DAB1: variants seen among roughly 807,000 people sequenced by gnomAD.
DAB1 encodes DAB adaptor protein 1.
Under a neutral mutation model 64.6 loss-of-function variants are expected in DAB1, and 15 were observed. The observed-to-expected ratio is 0.23, with a 90% CI of 0.16 to 0.36. DAB1 has a LOEUF of 0.36. Ranked by LOEUF, DAB1 falls within the 10% of genes least tolerant of loss-of-function variation. The probability of loss-of-function intolerance (pLI) is 1.00; values close to 1 mark genes in which losing one functional copy is unlikely to be tolerated. For missense variants in DAB1, 596 were observed against 706.7 expected, an observed-to-expected ratio of 0.84 and a Z score of 1.78; for synonymous variants, 235 against 251.9, an observed-to-expected ratio of 0.93 and a Z score of 0.64.
intron 5 of DAB1, among the ~76,000 whole-genome samples, chr1:57,941,119 AC>A (rs1177183837): frequency 6.6e-6 from 1 of 152,154 alleles, no homozygotes; most frequent in Non-Finnish European, 1.5e-5. Flanking sequence ...TAGGACAGTG[AC>A]CCCTCAACAT....
intron 4 of DAB1, among the ~76,000 whole-genome samples, chr1:58,175,528 A>T (rs952150759): frequency 6.6e-6 from 1 of 152,182 alleles, no homozygotes; most frequent in African/African-American, 2.4e-5. Context: ...TCTGTTCAGT[A>T]TTTCATTCAG....
chr1:58,438,518 T>C (rs1459945867), intron 3 of DAB1, among the ~76,000 whole-genome samples: 1 of 152,194 alleles, frequency 6.6e-6, no homozygotes, highest in Admixed American at 6.5e-5. Flanking sequence ...AAGGCCAGCA[T>C]GCTGGGCACT....
At chr1:58,503,094 C>T (rs1352790118) in intron 3 of DAB1, among the ~76,000 whole-genome samples, 1 of 152,122 alleles carries the variant, frequency 6.6e-6, no homozygotes, top group African/African-American at 2.4e-5. Flanking sequence ...GAAATGACAA[C>T]TCAGAATTTA....
At chr1:57,997,576 T>G (rs1646444551) in intron 5 of DAB1, among the ~76,000 whole-genome samples, 1 of 152,122 alleles carries the variant, frequency 6.6e-6, no homozygotes, top group Non-Finnish European at 1.5e-5. Flanking sequence ...TCCTACAGAT[T>G]TGCCACCACT....
chr1:57,764,368 T>C (rs907491246), intron 6 of DAB1, among the ~76,000 whole-genome samples: 2 of 152,202 alleles, frequency 1.3e-5, no homozygotes, highest in African/African-American at 4.8e-5. Context: ...ACATATAACA[T>C]GTAGTGATCA....
At chr1:58,087,159 T>A (rs897628781) in intron 5 of DAB1, among the ~76,000 whole-genome samples, 4 of 152,108 alleles carry the variant, frequency 2.6e-5, no homozygotes, top group Admixed American at 2.6e-4. Context: ...ATGTCTGGAG[T>A]GAGAACTAAA....
intron 1 of DAB1, among the ~76,000 whole-genome samples, chr1:57,351,376 C>G (rs568027700): frequency 6.6e-6 from 1 of 152,146 alleles, no homozygotes; most frequent in Non-Finnish European, 1.5e-5. Context: ...AAAGGCATGT[C>G]TTCGACCTTC....
intron 5 of DAB1, among the ~76,000 whole-genome samples, chr1:57,924,626 A>C (rs1376717937): frequency 2.3e-5 from 3 of 131,806 alleles, no homozygotes; most frequent in African/African-American, 8.5e-5. Context: ...CACTTGGCTA[A>C]TTTTTTTTTT....
chr1:58,358,929 TTC>T (rs113642363), intron 3 of DAB1, among the ~76,000 whole-genome samples: 32,582 of 106,220 alleles, frequency 0.31, 4,848 homozygotes, highest in Admixed American at 0.4. Context: ...CTTCCTTTCT[TTC>T]TCTCTCTCTC....
At chr1:58,470,939 G>A (rs1482155488) in intron 3 of DAB1, among the ~76,000 whole-genome samples, 1 of 152,150 alleles carries the variant, frequency 6.6e-6, no homozygotes, top group Non-Finnish European at 1.5e-5. Context: ...AGCAGCAAAA[G>A]CTTATTAGGC....
intron 3 of DAB1, among the ~76,000 whole-genome samples, chr1:58,448,985 G>GA (rs992519400): frequency 1.6e-4 from 24 of 152,280 alleles, no homozygotes; most frequent in African/African-American, 5.8e-4. Flanking sequence ...CATTGAGGTA[G>GA]AAAAAATGGA....
intron 1 of DAB1, among the ~76,000 whole-genome samples, chr1:57,843,458 G>T (rs1344865429): frequency 5.3e-5 from 8 of 151,984 alleles, no homozygotes; most frequent in Non-Finnish European, 1.0e-4. Flanking sequence ...CACCTCAAGG[G>T]GTTACCATGA....
intron 1 of DAB1, chr1:57,864,965 AC>A (rs1343338489): frequency 6.6e-6 from 1 of 152,164 alleles, no homozygotes; most frequent in Non-Finnish European, 1.5e-5. Context: ...AGCTACTGTA[AC>A]AAATAAACCT....
intron 3 of DAB1, among the ~76,000 whole-genome samples, chr1:57,141,634 G>T (rs1658597013): frequency 6.6e-6 from 1 of 152,078 alleles, no homozygotes; most frequent in Non-Finnish European, 1.5e-5. Flanking sequence ...GTAGATTTTG[G>T]TTCTTTCAGG....
intron 7 of DAB1, among the ~76,000 whole-genome samples, chr1:57,463,952 G>A (rs988178574): frequency 1.3e-4 from 20 of 152,142 alleles, no homozygotes; most frequent in Non-Finnish European, 1.9e-4. Flanking sequence ...ACCTTCTTGT[G>A]TACAACATAG....
At chr1:58,533,902 T>C (rs759587060) in intron 1 of DAB1, 2 of 840,658 alleles carry the variant, frequency 2.4e-6, no homozygotes. Context: ...ATTTAACTTG[T>C]TAACTTCAAA....
At chr1:58,426,249 G>A (rs1644821071) in intron 3 of DAB1, among the ~76,000 whole-genome samples, 1 of 152,134 alleles carries the variant, frequency 6.6e-6, no homozygotes, top group Non-Finnish European at 1.5e-5. Flanking sequence ...CATGCCCAGG[G>A]CTCTGTCTAC....
chr1:58,296,209 GAA>G (rs1239716963), intron 4 of DAB1, among the ~76,000 whole-genome samples: 52 of 132,162 alleles, frequency 3.9e-4, no homozygotes, highest in Middle Eastern at 3.6e-3. Context: ...AAGAAAGAAA[GAA>G]AGAAAGAAAG....
intron 7 of DAB1, among the ~76,000 whole-genome samples, chr1:57,448,116 G>A (rs538856205): frequency 7.2e-5 from 11 of 152,282 alleles, no homozygotes; most frequent in African/African-American, 2.6e-4. Flanking sequence ...CAGCCTCCTT[G>A]AGTCACCCTA....
Sources: allele counts gnomAD v4.1 joint callset (sites outside exome capture counted in the v4.1 genomes callset), GRCh38; gene constraint gnomAD v4.1.1; transcripts MANE v1.5; gene names NCBI Gene and HGNC (gene_info 2026-07-23, HGNC 2026-07-21).